The following EYS variants were observed in gnomAD, a reference collection of about 807,000 sequenced individuals.
EYS encodes the protein EGF-like photoreceptor maintenance factor.
A neutral mutation model predicts 282.1 loss-of-function variants in EYS; 250 were observed. That is an observed-to-expected ratio of 0.89 (90% CI 0.80 to 0.98). The LOEUF (loss-of-function observed/expected upper bound fraction) is 0.98. EYS is among the 50% of genes least tolerant of loss of function. The pLI is 0.00. For missense variants in EYS, 4,016 were observed against 3,709.0 expected (o/e 1.08, Z -2.15); for synonymous variants, 1,355 against 1,282.9 (o/e 1.06, Z -1.20).
chr6:65,481,406 CTCATT>C (rs752813389), intron 5 of EYS, among the ~76,000 whole-genome samples: 2 of 152,146 alleles, frequency 1.3e-5, no homozygotes, highest in Non-Finnish European at 2.9e-5. Context: ...AATTTACACT[CTCATT>C]TCTCAATACA....
At chr6:64,977,599 G>A (rs1335819017) in intron 14 of EYS, among the ~76,000 whole-genome samples, 1 of 151,168 alleles carries the variant, frequency 6.6e-6, no homozygotes, top group African/African-American at 2.4e-5. Context: ...AGTGTGGAAG[G>A]CATGTTGAAA....
chr6:64,865,739 A>G (rs1385636660), intron 19 of EYS, among the ~76,000 whole-genome samples: 1 of 152,112 alleles, frequency 6.6e-6, no homozygotes, highest in Non-Finnish European at 1.5e-5. Flanking sequence ...AGAAACACAG[A>G]TATCTGTTGG....
intron 8 of EYS, among the ~76,000 whole-genome samples, chr6:65,374,955 C>A (rs1297949818): frequency 6.6e-6 from 1 of 152,142 alleles, no homozygotes; most frequent in Non-Finnish European, 1.5e-5. Flanking sequence ...GTGGTCGCAG[C>A]TTCAGTGGAC....
At chr6:64,351,830 G>C (rs1771652406) in intron 29 of EYS, among the ~76,000 whole-genome samples, 1 of 151,446 alleles carries the variant, frequency 6.6e-6, no homozygotes, top group South Asian at 2.1e-4. Context: ...GACATATGGT[G>C]ATACAAATAA....
intron 14 of EYS, among the ~76,000 whole-genome samples, chr6:64,948,277 A>T (rs1769360785): frequency 6.6e-6 from 1 of 151,338 alleles, no homozygotes; most frequent in Non-Finnish European, 1.5e-5. Flanking sequence ...ATTTTTATTC[A>T]TCAGTATCTT....
chr6:64,837,110 TA>T (rs1258484149), intron 19 of EYS, among the ~76,000 whole-genome samples: 8 of 151,880 alleles, frequency 5.3e-5, no homozygotes, highest in Middle Eastern at 3.4e-3. Flanking sequence ...GTTATAGCAA[TA>T]AAAAATTGTT....
chr6:65,406,620 A>T (rs1209959763), intron 5 of EYS, among the ~76,000 whole-genome samples: 1 of 152,074 alleles, frequency 6.6e-6, no homozygotes. Flanking sequence ...CTTAGCTTAT[A>T]TGTTTCACAT....
intron 8 of EYS, among the ~76,000 whole-genome samples, chr6:65,382,038 G>A (rs1445127972): frequency 6.6e-6 from 1 of 151,534 alleles, no homozygotes; most frequent in Admixed American, 6.6e-5. Context: ...TTATGATTAT[G>A]TTTATTTCTA....
intron 35 of EYS, among the ~76,000 whole-genome samples, chr6:63,964,191 A>C (rs1318174152): frequency 6.6e-6 from 1 of 152,218 alleles, no homozygotes; most frequent in African/African-American, 2.4e-5. Flanking sequence ...GGATGAACTT[A>C]TGTTCACATC....
intron 33 of EYS, among the ~76,000 whole-genome samples, chr6:64,042,099 A>G (rs188069450): frequency 9.3e-4 from 141 of 152,364 alleles, no homozygotes; most frequent in African/African-American, 3.2e-3. Context: ...TAACATATTA[A>G]TGATGAACGA....
intron 31 of EYS, among the ~76,000 whole-genome samples, chr6:64,130,111 C>T (rs1376358686): frequency 6.6e-6 from 1 of 152,126 alleles, no homozygotes; most frequent in African/African-American, 2.4e-5. Context: ...ACCATTTGAC[C>T]CAACTATCCC....
At position 64,014,024 on chromosome 6, in the gene EYS, G is replaced by A. The variant is rs930082119; in HGVS notation, c.6726-14841C>T. ...ATTTATTTGGTTTTTAGTAGTTTTA[G>A]GGGTGTTCACTCCTCTGAGTAATCA... On this transcript the variant is annotated intron_variant, in intron 33 of 42. Transcript: ENST00000503581. Among the ~76,000 whole-genome samples the A allele has an allele frequency of 4.6e-5, 7 of 151,866 alleles. No individual in the cohort carries two copies. In the East Asian group the frequency reaches 9.7e-4, roughly 21 times the overall value.
chr6:65,266,211 T>C (rs2150261820), intron 12 of EYS, among the ~76,000 whole-genome samples: 1 of 152,056 alleles, frequency 6.6e-6, no homozygotes, highest in Admixed American at 6.6e-5. Flanking sequence ...TCTTTACTAT[T>C]CATTCTAGTT....
chr6:64,242,438 T>A (rs1223283160), intron 30 of EYS, among the ~76,000 whole-genome samples: 1 of 84,108 alleles, frequency 1.2e-5, no homozygotes, highest in African/African-American at 3.3e-5. Flanking sequence ...AAATTCTAAG[T>A]TTTTTTTGTT....
chr6:64,470,585 TAGC>T (rs1776093491), intron 26 of EYS, among the ~76,000 whole-genome samples: 14 of 151,970 alleles, frequency 9.2e-5, no homozygotes, highest in Admixed American at 9.2e-4. Flanking sequence ...ACACTAACTA[TAGC>T]TAATGAGCTA....
chr6:65,168,366 G>A (rs1489747617), intron 12 of EYS, among the ~76,000 whole-genome samples: 4 of 151,148 alleles, frequency 2.6e-5, no homozygotes, highest in African/African-American at 9.7e-5. Flanking sequence ...ACCATAAGCT[G>A]GTGGCTTACA....
At chr6:64,806,723 A>G (rs537201048) in intron 22 of EYS, among the ~76,000 whole-genome samples, 1 of 152,180 alleles carries the variant, frequency 6.6e-6, no homozygotes, top group Admixed American at 6.6e-5. Context: ...GGAAAAAAAA[A>G]TCATATAAGA....
At chr6:63,785,306 T>A (rs778500011) in intron 39 of EYS, among the ~76,000 whole-genome samples, 1 of 152,178 alleles carries the variant, frequency 6.6e-6, no homozygotes, top group Non-Finnish European at 1.5e-5. Flanking sequence ...GGACCCAGCT[T>A]ATTTTCACTT....
chr6:65,634,176 A>G (rs1767011755), intron 2 of EYS, among the ~76,000 whole-genome samples: 1 of 152,194 alleles, frequency 6.6e-6, no homozygotes, highest in South Asian at 2.1e-4. Flanking sequence ...AGTATACATG[A>G]AGAGACAAAC....
Sources: allele counts gnomAD v4.1 joint callset (sites outside exome capture counted in the v4.1 genomes callset), GRCh38; gene constraint gnomAD v4.1.1; transcripts MANE v1.5; gene names NCBI Gene and HGNC (gene_info 2026-07-23, HGNC 2026-07-21).